OPRM1: variants seen among roughly 807,000 people sequenced by gnomAD.
OPRM1 encodes opioid receptor mu 1, also known as mu-type opioid receptor.
A neutral mutation model predicts 31.8 loss-of-function variants in OPRM1; 27 were observed. That is an observed-to-expected ratio of 0.85 (90% CI 0.63 to 1.17). The LOEUF (loss-of-function observed/expected upper bound fraction) is 1.17. Ranked by LOEUF, OPRM1 falls within the 50% of genes most tolerant of loss-of-function variation. The probability of loss-of-function intolerance (pLI) is 0.00; values close to 1 mark genes in which losing one functional copy is unlikely to be tolerated. For missense variants in OPRM1, 536 were observed against 511.1 expected (o/e 1.05, Z -0.47); for synonymous variants, 196 against 189.9 (o/e 1.03, Z -0.26).
intron 3 of OPRM1, chr6:154,108,589 C>T (rs930934844): frequency 3.0e-5 from 5 of 168,776 alleles, no homozygotes; most frequent in African/African-American, 1.2e-4. Flanking sequence ...CCAACCCTGC[C>T]ATCCACAGCC....
intron 1 of OPRM1, among the ~76,000 whole-genome samples, chr6:154,046,227 C>CAG (rs1179068336): frequency 5.3e-5 from 8 of 152,170 alleles, no homozygotes; most frequent in African/African-American, 1.9e-4. Flanking sequence ...CAAGAGAGTT[C>CAG]AGAAGCTAAG....
At chr6:154,150,654 G>A (rs575235370) in intron 3 of OPRM1, among the ~76,000 whole-genome samples, 9 of 152,352 alleles carry the variant, frequency 5.9e-5, no homozygotes, top group Admixed American at 5.2e-4. Context: ...TGAACCTGGG[G>A]ATTCACATTT....
chr6:154,077,377 C>A (rs1403007413), intron 1 of OPRM1, among the ~76,000 whole-genome samples: 4 of 151,706 alleles, frequency 2.6e-5, no homozygotes, highest in Admixed American at 2.6e-4. Context: ...CTCGGCCTCC[C>A]AAAGTGCTGG....
At position 154,124,684 on chromosome 6, in the gene OPRM1, C is replaced by A. The variant is rs911525178; in HGVS notation, c.*5963C>A. ...AACTTTATTGAAATACATTAATATG[C>A]TCCTGGAACATACTACTGGGTCTCA... On this transcript the variant is annotated 3_prime_UTR_variant, in exon 4 of 4. Transcript: ENST00000330432. Among the ~76,000 whole-genome samples, 2 of 152,120 alleles carry A rather than the reference C, an allele frequency of 1.3e-5. No individual in the cohort carries two copies. The highest frequency in any genetic ancestry group is 4.8e-5 in the African/African-American group (2 of 41,396).
intron 1 of OPRM1, among the ~76,000 whole-genome samples, chr6:154,049,322 G>A (rs1376993556): frequency 6.6e-6 from 1 of 152,162 alleles, no homozygotes; most frequent in Non-Finnish European, 1.5e-5. Context: ...TGTGAAAAAT[G>A]TGGCAATAAA....
Position 154,124,524 on chromosome 6 carries a change from T to C in OPRM1, c.*5803T>C, listed in dbSNP as rs1278024878. Reference sequence around the variant, plus strand: ...TAGACATTAATTCCTAGGAATCGCATACCTACGGAAAACAGTCCTCTGACC... The same window carrying C: ...TAGACATTAATTCCTAGGAATCGCACACCTACGGAAAACAGTCCTCTGACC... On this transcript the variant is annotated 3_prime_UTR_variant, in exon 4 of 4. Transcript: ENST00000330432. Among the ~76,000 whole-genome samples the C allele has an allele frequency of 6.6e-6, 1 of 152,176 alleles. No individual in the cohort carries two copies. The highest frequency in any genetic ancestry group is 1.5e-5 in the Non-Finnish European group (1 of 68,020).
At chr6:154,152,786 GTAACC>G (rs1225577963) in intron 3 of OPRM1, among the ~76,000 whole-genome samples, 2 of 152,082 alleles carry the variant, frequency 1.3e-5, no homozygotes, top group Non-Finnish European at 2.9e-5. Flanking sequence ...CTGCAATGCA[GTAACC>G]TGATTATAGC....
rs1797867430 is a variant in OPRM1 at position 154,131,025 on chromosome 6, A to G, written c.*12304A>G. Among the ~76,000 whole-genome samples, 1 of 152,190 alleles carries G rather than the reference A, an allele frequency of 6.6e-6. No homozygotes were observed. The highest frequency in any genetic ancestry group is 2.4e-5 in the African/African-American group (1 of 41,470). On this transcript the variant is annotated 3_prime_UTR_variant, in exon 4 of 4. Coordinates refer to ENST00000330432, the MANE Select transcript of OPRM1 (RefSeq NM_000914.5). Reference sequence around the variant, plus strand: ...GAAAAACTACTCTGTCAAACATAGCAAATAGGAAAGTTAAAAAAAAGTAAG... The same window carrying G: ...GAAAAACTACTCTGTCAAACATAGCGAATAGGAAAGTTAAAAAAAAGTAAG...
chr6:154,159,732 G>T, intron 3 of OPRM1: 1 of 906,892 alleles, frequency 1.1e-6, no homozygotes, highest in Non-Finnish European at 1.7e-6. Context: ...GAAGGACTGG[G>T]TTTCAGTTTT....
intron 1 of OPRM1, among the ~76,000 whole-genome samples, chr6:154,040,384 C>A (rs535492836): frequency 3.3e-5 from 5 of 152,100 alleles, no homozygotes; most frequent in African/African-American, 1.2e-4. Context: ...ACAACCCCAC[C>A]CTTTCTTCTC....
intron 1 of OPRM1, among the ~76,000 whole-genome samples, chr6:154,018,421 A>AAAAC (rs144684677): frequency 6.6e-6 from 1 of 151,856 alleles, no homozygotes; most frequent in Non-Finnish European, 1.5e-5. Flanking sequence ...CTCTGTCTCA[A>AAAAC]AAACAAACAA....
chr6:154,212,526 C>CT (rs1778046987), intron 3 of OPRM1, among the ~76,000 whole-genome samples: 1 of 152,226 alleles, frequency 6.6e-6, no homozygotes, highest in Non-Finnish European at 1.5e-5. Flanking sequence ...TTTGCATCCT[C>CT]ATGAATTCTC....
intron 1 of OPRM1, among the ~76,000 whole-genome samples, chr6:154,062,802 T>A (rs970784059): frequency 2.6e-5 from 4 of 152,022 alleles, no homozygotes; most frequent in African/African-American, 9.7e-5. Flanking sequence ...TGTCAAAATA[T>A]TCAGACATCA....
intron 1 of OPRM1, among the ~76,000 whole-genome samples, chr6:154,029,546 A>G (rs1778889779): frequency 6.6e-6 from 1 of 152,222 alleles, no homozygotes; most frequent in Non-Finnish European, 1.5e-5. Context: ...TCTATCCTCA[A>G]AAAATAAAGA....
intron 1 of OPRM1, among the ~76,000 whole-genome samples, chr6:154,048,858 C>T (rs920901388): frequency 6.6e-6 from 1 of 152,048 alleles, no homozygotes; most frequent in East Asian, 1.9e-4. Context: ...ATAATAAAAA[C>T]TCAGAAAGTA....
downstream of OPRM1, among the ~76,000 whole-genome samples, chr6:154,132,900 T>A (rs2128534988): frequency 6.6e-6 from 1 of 152,186 alleles, no homozygotes; most frequent in South Asian, 2.1e-4. Context: ...GGTGGGTGGA[T>A]CACGAAGTCA....
intron 1 of OPRM1, among the ~76,000 whole-genome samples, chr6:154,068,306 C>T (rs1473645592): frequency 6.6e-6 from 1 of 152,104 alleles, no homozygotes; most frequent in Non-Finnish European, 1.5e-5. Context: ...TACAATAGAT[C>T]TCTTGAATTT....
At chr6:154,220,800 T>C (rs1778804361) in intron 3 of OPRM1, among the ~76,000 whole-genome samples, 1 of 152,204 alleles carries the variant, frequency 6.6e-6, no homozygotes, top group Non-Finnish European at 1.5e-5. Flanking sequence ...TTTGATGTAC[T>C]CCGAGCAAAG....
rs1018709321 is a variant in OPRM1, at chr6:154,047,727, G to C, written c.290+7893G>C. On this transcript the variant is annotated intron_variant, in intron 1 of 3. Transcript: ENST00000330432. ...TGTTAAGTACAATTTTTGTTTGTTT[G>C]TTTTTTGTTTGTTTTAAATAATATG... 3.3e-5 allele frequency among the ~76,000 whole-genome samples: 5 copies of C among 152,130 alleles called. No individual in the cohort carries two copies. In the South Asian group the frequency reaches 1.0e-3, roughly 31 times the overall value.
Sources: gnomAD v4.1 joint callset for allele counts (sites outside exome capture counted in the v4.1 genomes callset) on GRCh38, gnomAD v4.1.1 for gene constraint, MANE v1.5 for transcripts, NCBI Gene and HGNC (gene_info 2026-07-23, HGNC 2026-07-21) for gene names.